The following ROBO1 variants were observed in gnomAD, a reference collection of about 807,000 sequenced individuals.
The protein encoded by ROBO1 is roundabout guidance receptor 1.
In ROBO1, 149 loss-of-function variants were observed where a neutral mutation model predicts 195.9. That is an observed-to-expected ratio of 0.76 (90% CI 0.67 to 0.87). The LOEUF (loss-of-function observed/expected upper bound fraction) is 0.87. ROBO1 is among the 40% of genes least tolerant of loss of function. ROBO1 has a pLI of 0.00. For missense variants in ROBO1, 1,933 were observed against 2,068.3 expected (o/e 0.93, Z 1.27); for synonymous variants, 816 against 733.2 (o/e 1.11, Z -1.82).
At chr3:79,668,298 C>T (rs568168255) in intron 1 of ROBO1, among the ~76,000 whole-genome samples, 2 of 149,454 alleles carry the variant, frequency 1.3e-5, no homozygotes, top group African/African-American at 5.0e-5. Context: ...CATGAAAAAG[C>T]ACAGTCCTCC....
intron 2 of ROBO1, among the ~76,000 whole-genome samples, chr3:79,177,856 C>G (rs1368727964): frequency 6.6e-6 from 1 of 152,146 alleles, no homozygotes; most frequent in Admixed American, 6.5e-5. Flanking sequence ...CATAAAAACT[C>G]TATTTTACTT....
chr3:79,276,025 A>G (rs2108986907), intron 2 of ROBO1, among the ~76,000 whole-genome samples: 1 of 152,040 alleles, frequency 6.6e-6, no homozygotes, highest in East Asian at 1.9e-4. Context: ...AAAAGAATGG[A>G]TACTGTTAAA....
At chr3:79,281,089 T>C (rs1204434691) in intron 2 of ROBO1, among the ~76,000 whole-genome samples, 1 of 152,190 alleles carries the variant, frequency 6.6e-6, no homozygotes, top group Non-Finnish European at 1.5e-5. Flanking sequence ...TTGGTAGATA[T>C]TGAGTTTCTG....
At chr3:79,270,829 G>T (rs2108970439) in intron 2 of ROBO1, among the ~76,000 whole-genome samples, 1 of 151,890 alleles carries the variant, frequency 6.6e-6, no homozygotes, top group South Asian at 2.1e-4. Flanking sequence ...GGCTTTTTCG[G>T]CTTGACAAAT....
intron 4 of ROBO1, among the ~76,000 whole-genome samples, chr3:78,868,380 G>GAA (rs5850400): frequency 5.3e-5 from 8 of 149,918 alleles, no homozygotes; most frequent in Admixed American, 1.3e-4. Context: ...AATTGAAAAA[G>GAA]AAAAAAAAAG....
At chr3:78,842,887 T>C (rs1375747387) in intron 4 of ROBO1, among the ~76,000 whole-genome samples, 1 of 152,002 alleles carries the variant, frequency 6.6e-6, no homozygotes, top group Non-Finnish European at 1.5e-5. Context: ...TTTTACATAC[T>C]TTCAAAAGGA....
intron 3 of ROBO1, among the ~76,000 whole-genome samples, chr3:79,057,522 C>T (rs1228352192): frequency 6.6e-6 from 1 of 152,018 alleles, no homozygotes; most frequent in African/African-American, 2.4e-5. Context: ...GTTCAATCCT[C>T]CCTGATGGCA....
intron 3 of ROBO1, among the ~76,000 whole-genome samples, chr3:78,946,542 C>A (rs564767842): frequency 6.6e-6 from 1 of 152,330 alleles, no homozygotes; most frequent in African/African-American, 2.4e-5. Context: ...TGGAAAGGAA[C>A]AACTGGTAAC....
At chr3:78,641,400 T>A (rs1286501278) in intron 21 of ROBO1, among the ~76,000 whole-genome samples, 1 of 152,056 alleles carries the variant, frequency 6.6e-6, no homozygotes, top group Non-Finnish European at 1.5e-5. Flanking sequence ...AAAGGAAGAG[T>A]GGAGAAAATA....
At chr3:79,521,561 CA>C (rs932991902) in intron 2 of ROBO1, among the ~76,000 whole-genome samples, 1 of 152,154 alleles carries the variant, frequency 6.6e-6, no homozygotes, top group African/African-American at 2.4e-5. Context: ...CAAGTGACTA[CA>C]TAAGTAACAC....
chr3:79,159,193 T>C (rs1171766881), intron 2 of ROBO1, among the ~76,000 whole-genome samples: 1 of 152,022 alleles, frequency 6.6e-6, no homozygotes, highest in African/African-American at 2.4e-5. Context: ...TTGGCCTCTA[T>C]CAACCCTGGA....
intron 4 of ROBO1, among the ~76,000 whole-genome samples, chr3:78,749,809 T>G (rs972034794): frequency 3.3e-5 from 5 of 152,204 alleles, no homozygotes; most frequent in African/African-American, 1.2e-4. Context: ...TCTCCTTTTC[T>G]CCTTTAACCA....
At chr3:78,905,664 T>C (rs947296880) in intron 4 of ROBO1, among the ~76,000 whole-genome samples, 2 of 152,016 alleles carry the variant, frequency 1.3e-5, no homozygotes, top group Non-Finnish European at 2.9e-5. Flanking sequence ...AACAAACTGA[T>C]AGATGACTAT....
intron 4 of ROBO1, among the ~76,000 whole-genome samples, chr3:78,812,007 T>C (rs188455104): frequency 2.6e-5 from 4 of 152,244 alleles, no homozygotes; most frequent in Admixed American, 2.0e-4. Flanking sequence ...TGGAATCGTT[T>C]CCTAGCAAGG....
intron 26 of ROBO1, among the ~76,000 whole-genome samples, chr3:78,625,570 A>G (rs1334574307): frequency 6.6e-6 from 1 of 152,218 alleles, no homozygotes. Flanking sequence ...CCAACAGAAT[A>G]TAAGAGTTGA....
Position 78,955,110 on chromosome 3 carries a change from G to A in ROBO1, c.173-16183C>T, listed in dbSNP as rs13322070. ...TATACAGGTAAACTGTGTGTCATGG[G>A]GTTATATAGGTAAACTGTGTGTCAT... is the stretch of plus-strand genomic sequence containing the variant. On this transcript the variant is annotated intron_variant, in intron 3 of 30. Coordinates refer to ENST00000464233, the MANE Select transcript of ROBO1 (RefSeq NM_002941.4). Among the ~76,000 whole-genome samples the A allele has an allele frequency of 6.3e-3, 722 of 113,822 alleles. 12 individuals carry two copies. The highest frequency in any genetic ancestry group is 0.027 in the African/African-American group (564 of 21,068). The allele number at this position is 113,822 out of a possible 152,430, so 74.7% of individuals were successfully genotyped here.
chr3:79,253,920 C>T (rs1473981571), intron 2 of ROBO1, among the ~76,000 whole-genome samples: 2 of 152,138 alleles, frequency 1.3e-5, no homozygotes, highest in Non-Finnish European at 2.9e-5. Context: ...CCACATGTCT[C>T]ATTATGTGGT....
intron 17 of ROBO1, among the ~76,000 whole-genome samples, chr3:78,658,585 A>G (rs1298769030): frequency 6.6e-6 from 1 of 152,186 alleles, no homozygotes; most frequent in Non-Finnish European, 1.5e-5. Flanking sequence ...CCCAACTGAC[A>G]TACTCTATAT....
At chr3:79,035,947 CTT>C (rs1337247797) in intron 3 of ROBO1, among the ~76,000 whole-genome samples, 2 of 152,152 alleles carry the variant, frequency 1.3e-5, no homozygotes, top group East Asian at 3.9e-4. Flanking sequence ...GATATGTTAA[CTT>C]ATAATTAATA....
Sources: allele counts gnomAD v4.1 joint callset (sites outside exome capture counted in the v4.1 genomes callset), GRCh38; gene constraint gnomAD v4.1.1; transcripts MANE v1.5; gene names NCBI Gene and HGNC (gene_info 2026-07-23, HGNC 2026-07-21).